Variants in AKIP1 observed in about 807,000 individuals in gnomAD.
AKIP1 encodes the protein A-kinase interacting protein 1.
AKIP1 carries 18 observed loss-of-function variants against 22.3 expected under a neutral mutation model. That is an observed-to-expected ratio of 0.81 (90% CI 0.56 to 1.19). The LOEUF (loss-of-function observed/expected upper bound fraction) is 1.19, where lower values mean the gene tolerates loss of function less well. AKIP1 is among the 50% of genes most tolerant of loss of function. The pLI, the probability that AKIP1 is intolerant of heterozygous loss-of-function variation, is 0.00. For synonymous variants in AKIP1, 120 were observed against 102.7 expected (o/e 1.17, Z -1.02); for missense variants, 287 against 264.6 (o/e 1.08, Z -0.59).
intron 5 of AKIP1, among the ~76,000 whole-genome samples, chr11:8,918,367 T>A (rs1263841617): frequency 1.3e-5 from 2 of 152,202 alleles, no homozygotes; most frequent in Non-Finnish European, 2.9e-5. Flanking sequence ...AAAACAGCTT[T>A]GGAAAAAATT....
intron 3 of AKIP1, among the ~76,000 whole-genome samples, chr11:8,912,872 T>TTTTC (rs2064415414): frequency 1.5e-4 from 1 of 6,588 alleles, no homozygotes; most frequent in South Asian, 0.05. Context: ...TTTTTTTAAC[T>TTTTC]TTTTTTTTTT....
intron 5 of AKIP1, 64 bp from the exon 6 acceptor site, chr11:8,919,273 G>C: frequency 6.6e-7 from 1 of 1,504,816 alleles, no homozygotes; most frequent in South Asian, 1.2e-5. Context: ...GTAGCCTGCT[G>C]GGGGGCCATG....
At chr11:8,912,623 A>G in intron 3 of AKIP1, 90 bp downstream of exon 3, 1 of 1,168,330 alleles carries the variant, frequency 8.6e-7, no homozygotes, top group Non-Finnish European at 1.3e-6. Flanking sequence ...TCTGGACACT[A>G]CCTGTTTCTC....
Position 8,911,327 on chromosome 11 carries a change from C to T in AKIP1, c.-7+104C>T, listed in dbSNP as rs370192864. ...CTCCCGCTGGAGTGTGCGTTGGGGG[C>T]GGACCAGGAGCGGTGGTCTCCAGGG... On this transcript the variant is annotated intron_variant, in intron 1 of 5. Coordinates refer to ENST00000309377, the MANE Select transcript of AKIP1 (RefSeq NM_020642.4). 569 of 889,008 alleles carry T rather than the reference C, an allele frequency of 6.4e-4. 2 individuals are homozygous for T. In the African/African-American group the frequency reaches 8.0e-3, roughly 13 times the overall value. The allele number at this position is 889,008 out of a possible 1,614,324, so 55.1% of individuals were successfully genotyped here.
rs776599356 is a variant in AKIP1 at position 8,914,893 on chromosome 11, C to T, written c.371C>T (p.Ser124Leu). ...THVYRYHRGE[S>L]KLHMCLDIGN... ...GTCTATCGTTATCACAGAGGCGAGTCGAAGCTGCACATGTGCTTGGACATA... is the reference window on the plus strand; with the variant it reads ...GTCTATCGTTATCACAGAGGCGAGTTGAAGCTGCACATGTGCTTGGACATA... Residue 124 changes from serine (S) to leucine (L), a missense_variant, in exon 4 of 6, where the codon TCG (serine) becomes TTG (leucine). Ser to Leu is a moderately radical substitution (Grantham distance 145). Transcript: ENST00000309377. The T allele has an allele frequency of 4.3e-6, 7 of 1,613,872 alleles. No individual in the cohort carries two copies. The Admixed American group carries it at 5.0e-5, about 12-fold the overall frequency.
At position 8,912,507 on chromosome 11, in the gene AKIP1, A is replaced by T; in HGVS notation, c.277A>T (p.Met93Leu). Residue 93 changes from methionine to leucine, a missense_variant, in exon 3 of 6, where the codon ATG becomes TTG. Met to Leu is a conservative substitution (Grantham distance 15, BLOSUM62 2). Transcript: ENST00000309377. ...SASFRTMAEF[M>L]DYTSSQCGKY... ...TTCCTTCAGAACAATGGCTGAATTC[A>T]TGGACTATACTTCAAGTCAGTGTGG... 6.2e-7 allele frequency: 1 copy of T among 1,614,088 alleles called. No homozygotes were observed.
chr11:8,911,234 T>G lies in AKIP1; in HGVS notation c.-7+11T>G. 2.7e-5 allele frequency: 15 copies of G among 563,598 alleles called. No individual in the cohort carries two copies. The highest frequency in any genetic ancestry group is 1.0e-4 in the Admixed American group (3 of 30,076). The allele number at this position is 563,598 out of a possible 1,614,324, so 34.9% of individuals were successfully genotyped here. On this transcript the variant is annotated intron_variant, in intron 1 of 5. Transcript: ENST00000309377. ...TGACGAGTGAGCCGGGTGAGGGGGC[T>G]CCCTAAGTAGCGGAAGGGGTAGATG... is the stretch of plus-strand genomic sequence containing the variant.
chr11:8,916,563 T>A lies in AKIP1; in HGVS notation c.409-724T>A, dbSNP rs1018418189. On this transcript the variant is annotated intron_variant, in intron 4 of 5. Transcript: ENST00000309377. ...CAGAGTCTAAGTTGGATTCCTGACT[T>A]CTTTGGTCTGTCAGCCATTTTGGGG... Among the ~76,000 whole-genome samples, 5 of 152,282 alleles carry A rather than the reference T, an allele frequency of 3.3e-5. 1 individual carries two copies. In the Middle Eastern group the frequency reaches 0.01, roughly 311 times the overall value.
rs556719901 is a variant in AKIP1, at chr11:8,919,643, G to A, written c.*163G>A. On this transcript the variant is annotated 3_prime_UTR_variant, in exon 6 of 6. Coordinates refer to ENST00000309377, the MANE Select transcript of AKIP1 (RefSeq NM_020642.4). Reference sequence around the variant, plus strand: ...CTTTCAGTGCTTTTTTGTTTGTTTGGTTGGTTTTTTTTTGAGACAGTCTCA... The same window carrying A: ...CTTTCAGTGCTTTTTTGTTTGTTTGATTGGTTTTTTTTTGAGACAGTCTCA... 13 of 788,880 alleles carry A rather than the reference G, an allele frequency of 1.6e-5. No individual in the cohort carries two copies. In the African/African-American group the frequency reaches 2.1e-4, roughly 13 times the overall value. The allele number at this position is 788,880 out of a possible 1,614,324, so 48.9% of individuals were successfully genotyped here. A position where few individuals can be genotyped will look rare whatever the true frequency, so the allele number is the denominator to read the frequency against.
At chr11:8,912,871 C>CTTTTTTTTTT (rs71059196) in intron 3 of AKIP1, among the ~76,000 whole-genome samples, 16 of 92,960 alleles carry the variant, frequency 1.7e-4, no homozygotes, top group South Asian at 4.3e-4. Flanking sequence ...TTTTTTTTAA[C>CTTTTTTTTTT]TTTTTTTTTT....
chr11:8,914,955 C>G, intron 4 of AKIP1, 25 bp downstream of exon 4: 1 of 1,567,258 alleles, frequency 6.4e-7, no homozygotes, highest in Non-Finnish European at 8.8e-7. Flanking sequence ...CTGTCCTGCA[C>G]CATGCCTTCA....
Position 8,919,249 on chromosome 11 carries a change from C to G in AKIP1, c.490-88C>G. On this transcript the variant is annotated intron_variant, in intron 5 of 5. Transcript: ENST00000309377. ...ACATTAGCGCTTCATTCCATCACACCTCTGCAAGGACAGGTAGCCTGCTGG... is the reference window on the plus strand; with the variant it reads ...ACATTAGCGCTTCATTCCATCACACGTCTGCAAGGACAGGTAGCCTGCTGG... The G allele has an allele frequency of 4.5e-6, 6 of 1,319,530 alleles. No individual in the cohort carries two copies. In the South Asian group the frequency reaches 8.3e-5, roughly 18 times the overall value. The allele number at this position is 1,319,530 out of a possible 1,614,324, so 81.7% of individuals were successfully genotyped here. A position where few individuals can be genotyped will look rare whatever the true frequency, so the allele number is the denominator to read the frequency against.
intron 3 of AKIP1, 77 bp from the exon 4 acceptor site, chr11:8,914,749 T>A: frequency 2.7e-6 from 3 of 1,125,368 alleles, no homozygotes. Flanking sequence ...TAACTGCACT[T>A]TGCCCAAATA....
chr11:8,915,347 A>ATTTTTTTTTCTTTTTTTTTTTTTT lies in AKIP1; in HGVS notation c.408+426_408+427insCTTTTTTTTTTTTTTTTTTTTTTT, dbSNP rs2064463968. 1.9e-5 allele frequency among the ~76,000 whole-genome samples: 2 copies of ATTTTTTTTTCTTTTTTTTTTTTTT among 105,096 alleles called. 1 individual carries two copies. 68.9% of individuals were successfully genotyped at this position (105,096 alleles called of 152,430 possible). A position where few individuals can be genotyped will look rare whatever the true frequency, so the allele number is the denominator to read the frequency against. On this transcript the variant is annotated intron_variant, in intron 4 of 5. Transcript: ENST00000309377. ...ATCCTCTTCTACATCTAGGGATAGG[A>ATTTTTTTTTCTTTTTTTTTTTTTT]TTTTTTTTTTCTTTTTTTTTTTTTT...
At chr11:8,915,669 C>T (rs1453151031) in intron 4 of AKIP1, among the ~76,000 whole-genome samples, 4 of 148,766 alleles carry the variant, frequency 2.7e-5, no homozygotes, top group African/African-American at 7.4e-5. Flanking sequence ...GAGGGAGTCT[C>T]ACTCTGTCAC....
chr11:8,911,444 G>T lies in AKIP1; in HGVS notation c.-6G>T. On this transcript the variant is annotated splice_region_variant and 5_prime_UTR_variant, in exon 2 of 6. Coordinates refer to ENST00000309377, the MANE Select transcript of AKIP1 (RefSeq NM_020642.4). ...GTTTGTACGTTGTGTGCCCACTCAG[G>T]GAGCCATGGACAACTGTTTGGCGGC... 1 of 1,584,964 alleles carries T rather than the reference G, an allele frequency of 6.3e-7. No homozygotes were observed. The highest frequency in any genetic ancestry group is 2.3e-5 in the East Asian group (1 of 43,732).
chr11:8,917,328 C>T lies in AKIP1; in HGVS notation c.450C>T (p.Ser150=). The part of the protein sequence containing the change: ...RKKTSLGPGG[S]YQISEHAPEA... Reference sequence around the variant, plus strand: ...AGACATCCCTTGGTCCTGGAGGCAGCTATCAAATATCAGAGCATGCTCCAG... The same window carrying T: ...AGACATCCCTTGGTCCTGGAGGCAGTTATCAAATATCAGAGCATGCTCCAG... The change falls in exon 5 of 6, where the codon AGC becomes AGT. Residue 150 remains serine (S), a synonymous_variant. Transcript: ENST00000309377. The T allele has an allele frequency of 1.2e-6, 2 of 1,613,408 alleles. No homozygotes were observed. Among genetic ancestry groups the T allele is most frequent in the Non-Finnish European group, 1.7e-6 (2 of 1,179,684 alleles).
At position 8,911,471 on chromosome 11, in the gene AKIP1, G is replaced by T; in HGVS notation, c.22G>T (p.Ala8Ser). ...AGCCATGGACAACTGTTTGGCGGCC[G>T]CAGCGCTGAATGGGGTGGACCGACG... The part of the protein sequence containing the change: MDNCLAA[A>S]ALNGVDRRSL... The change falls in exon 2 of 6, where the codon GCA (alanine) becomes TCA (serine). Residue 8 changes from alanine (A) to serine (S), a missense_variant. Transcript: ENST00000309377. 6.2e-7 allele frequency: 1 copy of T among 1,601,464 alleles called. No individual in the cohort carries two copies. The highest frequency in any genetic ancestry group is 8.5e-7 in the Non-Finnish European group (1 of 1,174,426).
At chr11:8,912,575 A>G (rs375674336) in intron 3 of AKIP1, 42 bp downstream of exon 3, 7 of 1,531,500 alleles carry the variant, frequency 4.6e-6, no homozygotes, top group Non-Finnish European at 6.3e-6. Flanking sequence ...TCACCTGCTG[A>G]TGGACCACAT....
Sources: allele counts gnomAD v4.1 joint callset (sites outside exome capture counted in the v4.1 genomes callset), GRCh38; gene constraint gnomAD v4.1.1; transcripts MANE v1.5; gene names NCBI Gene and HGNC (gene_info 2026-07-23, HGNC 2026-07-21).